ARMH3: variants seen among roughly 807,000 people sequenced by gnomAD.
ARMH3 encodes the protein armadillo-like helical domain-containing protein 3.
A neutral mutation model predicts 99.1 loss-of-function variants in ARMH3; 60 were observed. The observed-to-expected ratio is 0.61, with a 90% CI of 0.49 to 0.75. The LOEUF (loss-of-function observed/expected upper bound fraction) is 0.75. ARMH3 is among the 30% of genes least tolerant of loss of function. The probability of loss-of-function intolerance (pLI) is 0.00; values close to 1 mark genes in which losing one functional copy is unlikely to be tolerated. For missense variants in ARMH3, 679 were observed against 843.1 expected, an observed-to-expected ratio of 0.81 and a Z score of 2.41; for synonymous variants, 285 against 292.8, an observed-to-expected ratio of 0.97 and a Z score of 0.27.
At chr10:101,998,310 C>T (rs1847154199) in intron 15 of ARMH3, among the ~76,000 whole-genome samples, 1 of 152,176 alleles carries the variant, frequency 6.6e-6, no homozygotes, top group Non-Finnish European at 1.5e-5. Context: ...GCAATGGCTT[C>T]AAGAAAGTGA....
chr10:102,028,064 T>G (rs1013385765), intron 5 of ARMH3, among the ~76,000 whole-genome samples: 6 of 148,566 alleles, frequency 4.0e-5, no homozygotes, highest in African/African-American at 1.2e-4. Context: ...AAAAAAAAAA[T>G]AAAGAAAAGA....
chr10:101,956,752 GGCATCA>G, intron 21 of ARMH3, 29 bp from the exon 22 acceptor site: 1 of 1,609,130 alleles, frequency 6.2e-7, no homozygotes, highest in South Asian at 1.1e-5. Flanking sequence ...CCCATATATA[GGCATCA>G]GGCTATGAAG....
chr10:101,957,504 C>G (rs1209185137), intron 21 of ARMH3, 146 bp downstream of exon 21: 2 of 781,982 alleles, frequency 2.6e-6, no homozygotes, highest in Non-Finnish European at 3.8e-6. Flanking sequence ...GTGGGGACCA[C>G]CAGTCCAGAT....
At chr10:102,032,158 C>T (rs897495367) in intron 4 of ARMH3, among the ~76,000 whole-genome samples, 34 of 152,228 alleles carry the variant, frequency 2.2e-4, no homozygotes, top group Non-Finnish European at 3.1e-4. Context: ...TAAGAACTTA[C>T]TTCTAGAGTA....
At chr10:101,862,782 G>A (rs2066904159) in intron 24 of ARMH3, among the ~76,000 whole-genome samples, 1 of 152,068 alleles carries the variant, frequency 6.6e-6, no homozygotes, top group Non-Finnish European at 1.5e-5. Context: ...GAAAAACGGG[G>A]GAAAGCAAGA....
intron 12 of ARMH3, 103 bp downstream of exon 12, chr10:102,009,874 A>G: frequency 8.8e-7 from 1 of 1,139,330 alleles, no homozygotes; most frequent in Non-Finnish European, 1.3e-6. Flanking sequence ...AAAAAGTATG[A>G]TTCTGTAAAA....
intron 19 of ARMH3, among the ~76,000 whole-genome samples, chr10:101,985,198 A>ATACG (rs549888536): frequency 6.3e-5 from 8 of 127,866 alleles, no homozygotes; most frequent in African/African-American, 2.4e-4. Context: ...ATGTGTGTAT[A>ATACG]TATATACGTA....
intron 23 of ARMH3, among the ~76,000 whole-genome samples, chr10:101,910,428 G>A (rs542706463): frequency 1.3e-5 from 2 of 152,186 alleles, no homozygotes; most frequent in Admixed American, 1.3e-4. Flanking sequence ...CTTGAAAAAA[G>A]AACCTAAAAT....
chr10:102,046,432 C>G (rs1333772067), intron 1 of ARMH3, among the ~76,000 whole-genome samples: 1 of 152,038 alleles, frequency 6.6e-6, no homozygotes, highest in Non-Finnish European at 1.5e-5. Flanking sequence ...GCGGGCAGAT[C>G]ACCTGAGGTC....
chr10:101,935,261 C>T (rs1008654858), intron 23 of ARMH3, among the ~76,000 whole-genome samples: 5 of 150,032 alleles, frequency 3.3e-5, no homozygotes, highest in Non-Finnish European at 7.4e-5. Context: ...ATACAGGGCC[C>T]TGTTTGTGTT....
intron 23 of ARMH3, among the ~76,000 whole-genome samples, chr10:101,935,531 C>T (rs1367692066): frequency 2.0e-5 from 3 of 152,154 alleles, no homozygotes; most frequent in African/African-American, 7.2e-5. Context: ...AGCCTTCCTG[C>T]TGCCTTTCAC....
intron 23 of ARMH3, among the ~76,000 whole-genome samples, chr10:101,937,424 TG>T (rs1406906735): frequency 1.3e-5 from 2 of 148,918 alleles, no homozygotes; most frequent in Non-Finnish European, 3.0e-5. Flanking sequence ...GAGGCTGAGG[TG>T]GGAAGACTGC....
intron 24 of ARMH3, among the ~76,000 whole-genome samples, chr10:101,855,143 C>T (rs2066705527): frequency 4.5e-5 from 2 of 44,320 alleles, no homozygotes; most frequent in African/African-American, 9.2e-5. Flanking sequence ...TCTCAGCTCA[C>T]TGCAACCTCC....
At chr10:102,027,066 G>T (rs759668657) in intron 5 of ARMH3, among the ~76,000 whole-genome samples, 5 of 152,162 alleles carry the variant, frequency 3.3e-5, no homozygotes, top group Non-Finnish European at 7.4e-5. Flanking sequence ...ATCACCTGAG[G>T]TTAGGAGTTC....
intron 20 of ARMH3, among the ~76,000 whole-genome samples, chr10:101,970,545 G>C (rs1257837053): frequency 6.6e-6 from 1 of 152,078 alleles, no homozygotes; most frequent in Non-Finnish European, 1.5e-5. Context: ...AAGTAGGCCG[G>C]GTGCTGTGGC....
chr10:101,968,102 T>C (rs1845614728), intron 20 of ARMH3, among the ~76,000 whole-genome samples: 1 of 151,880 alleles, frequency 6.6e-6, no homozygotes, highest in Non-Finnish European at 1.5e-5. Context: ...TTGCAGACAA[T>C]GCAAACCTCA....
chr10:102,028,433 ACATGAACATT>A (rs1426402665), intron 5 of ARMH3, among the ~76,000 whole-genome samples: 1 of 152,238 alleles, frequency 6.6e-6, no homozygotes, highest in Non-Finnish European at 1.5e-5. Flanking sequence ...AGAAACTTAT[ACATGAACATT>A]CATAGCAGCA....
chr10:101,913,298 G>A (rs1284348530), intron 23 of ARMH3: 1 of 150,758 alleles, frequency 6.6e-6, no homozygotes, highest in East Asian at 2.0e-4. Flanking sequence ...CTTGGTCTAG[G>A]AGAAAGCTCT....
chr10:102,055,738 G>A (rs67497633), intron 1 of ARMH3, among the ~76,000 whole-genome samples: 20,453 of 152,192 alleles, frequency 0.13, 1,572 homozygotes, highest in Non-Finnish European at 0.17. Flanking sequence ...AGCAGGAGAG[G>A]AAGCTCTCGG....
Sources: gnomAD v4.1 joint callset for allele counts (sites outside exome capture counted in the v4.1 genomes callset) on GRCh38, gnomAD v4.1.1 for gene constraint, MANE v1.5 for transcripts, NCBI Gene and HGNC (gene_info 2026-07-23, HGNC 2026-07-21) for gene names.